The following CHD5 variants were observed in gnomAD, a reference collection of about 807,000 sequenced individuals.
The protein encoded by CHD5 is chromodomain helicase DNA binding protein 5.
Under a neutral mutation model 230.3 loss-of-function variants are expected in CHD5, and 69 were observed. The observed-to-expected ratio is 0.30, with a 90% confidence interval of 0.25 to 0.37. CHD5 has a LOEUF of 0.37. Ranked by LOEUF, CHD5 falls within the 10% of genes least tolerant of loss-of-function variation. CHD5 has a pLI of 1.00. For missense variants in CHD5, 1,827 were observed against 2,622.8 expected (o/e 0.70, Z 6.63); for synonymous variants, 1,064 against 1,065.9 (o/e 1.00, Z 0.03).
chr1:6,177,030 G>A (rs77931348), intron 1 of CHD5, among the ~76,000 whole-genome samples: 8,288 of 152,234 alleles, frequency 0.054, 327 homozygotes, highest in East Asian at 0.16. Flanking sequence ...CACCATCACT[G>A]CACGGGAAAC....
chr1:6,161,423 C>T (rs1482783957), intron 2 of CHD5, among the ~76,000 whole-genome samples: 2 of 152,184 alleles, frequency 1.3e-5, no homozygotes, highest in African/African-American at 4.8e-5. Flanking sequence ...CCTGGAAGCC[C>T]CGCTCCCTCT....
chr1:6,149,856 G>GCAA (rs1666973955), intron 7 of CHD5, among the ~76,000 whole-genome samples: 1 of 133,780 alleles, frequency 7.5e-6, no homozygotes, highest in Non-Finnish European at 1.7e-5. Flanking sequence ...ATGGACGGAT[G>GCAA]ATGGATGGAT....
intron 38 of CHD5, 71 bp from the exon 39 acceptor site, chr1:6,106,850 G>A: frequency 7.9e-7 from 1 of 1,258,310 alleles, no homozygotes; most frequent in Non-Finnish European, 1.1e-6. Context: ...GTGGAAGGAT[G>A]GAGGGATGGA....
At chr1:6,115,585 A>G (rs1666367028) in intron 33 of CHD5, among the ~76,000 whole-genome samples, 1 of 152,226 alleles carries the variant, frequency 6.6e-6, no homozygotes, top group African/African-American at 2.4e-5. Flanking sequence ...GCTACATGGC[A>G]GGAATGTGGT....
intron 33 of CHD5, among the ~76,000 whole-genome samples, chr1:6,120,539 C>G (rs1666452137): frequency 6.6e-6 from 1 of 151,296 alleles, no homozygotes; most frequent in African/African-American, 2.4e-5. Flanking sequence ...CGCAGTGGCT[C>G]ACACCTGTAA....
At chr1:6,152,325 G>A in intron 6 of CHD5, 87 bp downstream of exon 6, 2 of 1,476,060 alleles carry the variant, frequency 1.4e-6, no homozygotes, top group Non-Finnish European at 1.8e-6. Flanking sequence ...GTAATGAACT[G>A]AAGGCCCTCG....
intron 31 of CHD5, among the ~76,000 whole-genome samples, chr1:6,123,559 C>T (rs1312224951): frequency 3.3e-5 from 5 of 151,838 alleles, no homozygotes; most frequent in Admixed American, 6.6e-5. Flanking sequence ...CCCGAGCAGC[C>T]GGGATTACAG....
chr1:6,117,359 A>G (rs555389527), intron 33 of CHD5, among the ~76,000 whole-genome samples: 1 of 152,338 alleles, frequency 6.6e-6, no homozygotes, highest in African/African-American at 2.4e-5. Context: ...TTAAAAGTGA[A>G]GAAATGAAAG....
intron 11 of CHD5, 133 bp from the exon 12 acceptor site, chr1:6,144,288 G>A (rs528786255): frequency 7.9e-7 from 1 of 1,262,236 alleles, no homozygotes; most frequent in African/African-American, 1.5e-5. Flanking sequence ...CCAGGAGGAG[G>A]AGACGAGGGC....
At chr1:6,168,822 CA>C (rs1667292544) in intron 1 of CHD5, among the ~76,000 whole-genome samples, 1 of 152,080 alleles carries the variant, frequency 6.6e-6, no homozygotes, top group Non-Finnish European at 1.5e-5. Flanking sequence ...AGTCTGAGAC[CA>C]GCCTGGCCAA....
At chr1:6,144,825 A>T (rs1241903219) in intron 11 of CHD5, among the ~76,000 whole-genome samples, 9 of 152,222 alleles carry the variant, frequency 5.9e-5, no homozygotes, top group Admixed American at 5.9e-4. Context: ...AGACCCGGTG[A>T]GCAGCGGCTG....
intron 1 of CHD5, among the ~76,000 whole-genome samples, chr1:6,175,681 A>AATGG (rs545057422): frequency 0.071 from 10,539 of 147,446 alleles, 462 homozygotes; most frequent in East Asian, 0.15. Context: ...AACAAGAACA[A>AATGG]ATGGATGGAT....
intron 5 of CHD5, among the ~76,000 whole-genome samples, chr1:6,153,128 C>T (rs1167753720): frequency 1.3e-5 from 2 of 152,222 alleles, no homozygotes; most frequent in African/African-American, 2.4e-5. Context: ...GGGATGCACA[C>T]CCCACAGAGG....
Position 6,111,482 on chromosome 1 carries a change from C to T in CHD5, c.5249+293G>A, listed in dbSNP as rs1571138537. On this transcript the variant is annotated intron_variant, in intron 36 of 41. Transcript: ENST00000262450. ...CCGGGAGGCAGCAGTTGCAGTGAGCCGAGATCAAGCTGCTACACTCCAGCC... is the reference window on the plus strand; with the variant it reads ...CCGGGAGGCAGCAGTTGCAGTGAGCTGAGATCAAGCTGCTACACTCCAGCC... Among the ~76,000 whole-genome samples, 3 of 149,806 alleles carry T rather than the reference C, an allele frequency of 2.0e-5. 1 individual carries two copies. In the South Asian group the frequency reaches 6.3e-4, roughly 32 times the overall value.
intron 9 of CHD5, 137 bp from the exon 10 acceptor site, chr1:6,147,008 G>T: frequency 4.5e-6 from 3 of 665,646 alleles, no homozygotes; most frequent in Non-Finnish European, 7.3e-6. Flanking sequence ...CCACGGTGAC[G>T]CCATGACATC....
intron 2 of CHD5, among the ~76,000 whole-genome samples, chr1:6,160,588 G>A (rs1667160649): frequency 6.6e-6 from 1 of 152,288 alleles, no homozygotes; most frequent in African/African-American, 2.4e-5. Context: ...CCATGGAACT[G>A]CGTTCGTCAG....
chr1:6,144,465 G>GGGTCTGGATTTTCACAGGA (rs1553140933), intron 11 of CHD5, among the ~76,000 whole-genome samples: 1 of 152,250 alleles, frequency 6.6e-6, no homozygotes, highest in Non-Finnish European at 1.5e-5. Flanking sequence ...ATTTGTCACA[G>GGGTCTGGATTTTCACAGGA]GGTCTGGATT....
chr1:6,158,648 C>T (rs1667115593), intron 3 of CHD5, among the ~76,000 whole-genome samples: 1 of 151,920 alleles, frequency 6.6e-6, no homozygotes, highest in South Asian at 2.1e-4. Flanking sequence ...AAAGAACAGG[C>T]TGGGCGCAGT....
chr1:6,149,498 C>G, intron 7 of CHD5, 86 bp from the exon 8 acceptor site: 1 of 1,386,420 alleles, frequency 7.2e-7, no homozygotes, highest in Non-Finnish European at 9.8e-7. Context: ...CAGACAGGCA[C>G]AGAGTAGATG....
Sources: allele counts gnomAD v4.1 joint callset (sites outside exome capture counted in the v4.1 genomes callset), GRCh38; gene constraint gnomAD v4.1.1; transcripts MANE v1.5; gene names NCBI Gene and HGNC (gene_info 2026-07-23, HGNC 2026-07-21).